The following ELL variants were observed in gnomAD, a reference collection of about 807,000 sequenced individuals.
The protein encoded by ELL is RNA polymerase II elongation factor ELL.
A neutral mutation model predicts 64.0 loss-of-function variants in ELL; 18 were observed. The ratio of observed to expected loss-of-function variants is 0.28; its 90% CI spans 0.19 to 0.42. The LOEUF (loss-of-function observed/expected upper bound fraction) is 0.42, where lower values mean the gene tolerates loss of function less well. ELL is among the 10% of genes least tolerant of loss of function. The probability of loss-of-function intolerance (pLI) is 1.00; values close to 1 mark genes in which losing one functional copy is unlikely to be tolerated. For synonymous variants in ELL, 399 were observed against 376.2 expected, an observed-to-expected ratio of 1.06 and a Z score of -0.70; for missense variants, 797 against 870.4, an observed-to-expected ratio of 0.92 and a Z score of 1.06.
intron 2 of ELL, among the ~76,000 whole-genome samples, chr19:18,467,567 CAT>C (rs908235689): frequency 4.0e-5 from 6 of 151,774 alleles, no homozygotes; most frequent in Non-Finnish European, 5.9e-5. Context: ...AAATCACACA[CAT>C]ATAGCCTCTG....
intron 1 of ELL, among the ~76,000 whole-genome samples, chr19:18,502,213 T>A (rs1252299663): frequency 6.6e-6 from 1 of 152,050 alleles, no homozygotes; most frequent in Non-Finnish European, 1.5e-5. Flanking sequence ...ACACCCCCAG[T>A]CCAGCACCCA....
At chr19:18,497,948 G>A (rs1425420399) in intron 1 of ELL, among the ~76,000 whole-genome samples, 2 of 151,932 alleles carry the variant, frequency 1.3e-5, no homozygotes, top group Admixed American at 6.6e-5. Context: ...GACCAACTTG[G>A]AGAAACCCTG....
chr19:18,512,132 G>A (rs1221807641), intron 1 of ELL, among the ~76,000 whole-genome samples: 2 of 150,792 alleles, frequency 1.3e-5, no homozygotes, highest in African/African-American at 4.9e-5. Context: ...TCCAGTCTAG[G>A]CGACAGAGTA....
intron 1 of ELL, among the ~76,000 whole-genome samples, chr19:18,511,650 AG>A (rs1258228724): frequency 4.6e-5 from 7 of 152,102 alleles, no homozygotes; most frequent in African/African-American, 1.7e-4. Context: ...GGCCTGATGG[AG>A]AAGGTGGAAG....
At chr19:18,446,612 G>T in intron 9 of ELL, 132 bp from the exon 10 acceptor site, 4 of 1,490,142 alleles carry the variant, frequency 2.7e-6, no homozygotes, top group Non-Finnish European at 3.6e-6. Flanking sequence ...GCCTGGCCCA[G>T]AAGAGGCTGC....
intron 1 of ELL, among the ~76,000 whole-genome samples, chr19:18,500,749 G>A (rs928654540): frequency 6.6e-6 from 1 of 152,164 alleles, no homozygotes; most frequent in African/African-American, 2.4e-5. Context: ...ATAGCTCTGG[G>A]AACTGTCAGG....
Position 18,522,026 on chromosome 19 carries a change from G to A in ELL, c.30C>T (p.Tyr10=), listed in dbSNP as rs200445420. Residue 10 remains tyrosine, a synonymous_variant, in exon 1 of 12, where the codon TAC becomes TAT. Transcript: ENST00000262809. ...CGCTAACCCGCCCGCACGACAGCCC[G>A]TAGCTCCTATCCTCCTTCAGCGCCG... MAALKEDRS[Y]GLSCGRVSDG... 53 of 1,609,782 alleles carry A rather than the reference G, an allele frequency of 3.3e-5. No homozygotes were observed. In the African/African-American group the frequency reaches 5.8e-4, roughly 18 times the overall value.
chr19:18,477,178 C>G (rs1051275009), intron 1 of ELL, among the ~76,000 whole-genome samples: 1 of 152,108 alleles, frequency 6.6e-6, no homozygotes, highest in Non-Finnish European at 1.5e-5. Context: ...GAGAGAGCCA[C>G]GAGGGGCTTC....
intron 4 of ELL, among the ~76,000 whole-genome samples, chr19:18,463,655 C>T (rs755500809): frequency 1.3e-5 from 2 of 151,936 alleles, no homozygotes; most frequent in South Asian, 2.1e-4. Context: ...TAACAGACAG[C>T]GTCCCCTACC....
rs1467687691 is a variant in ELL, at chr19:18,446,805, C to T, written c.1475G>A (p.Gly492Glu). The change falls in exon 9 of 12, where the codon GGA becomes GAA. Residue 492 changes from glycine (G) to glutamate (E), a missense_variant. Physicochemically the swap from Gly to Glu is moderately conservative, Grantham distance 98. Coordinates refer to ENST00000262809, the MANE Select transcript of ELL (RefSeq NM_006532.4). ...GGGAACACTGGAAACGCTGCAGGTT[C>T]CGTTTAAACCTACGAGAGCAAACAC... ...GAPADTPGLNGTCSVSSVPTS... is the reference protein window; with the variant it reads ...GAPADTPGLNETCSVSSVPTS... The T allele has an allele frequency of 6.2e-7, 1 of 1,613,990 alleles. No individual in the cohort carries two copies. Among genetic ancestry groups the T allele is most frequent in the African/African-American group, 1.3e-5 (1 of 74,950 alleles).
intron 1 of ELL, among the ~76,000 whole-genome samples, chr19:18,512,977 G>A (rs1033636093): frequency 7.2e-5 from 11 of 152,190 alleles, no homozygotes; most frequent in African/African-American, 2.7e-4. Flanking sequence ...ATCTCATGAA[G>A]AGCTGAGGCC....
chr19:18,465,597 TG>T, intron 3 of ELL, 22 bp from the exon 4 acceptor site: 1 of 1,567,326 alleles, frequency 6.4e-7, no homozygotes, highest in Non-Finnish European at 8.7e-7. Context: ...GGCCAGGAGC[TG>T]GGGTCAGCAG....
chr19:18,459,225 G>A (rs1560118), intron 5 of ELL, among the ~76,000 whole-genome samples: 66,855 of 151,996 alleles, frequency 0.44, 16,546 homozygotes, highest in African/African-American at 0.69. Context: ...GCCACGGCTG[G>A]GGATGCTGGG....
intron 1 of ELL, among the ~76,000 whole-genome samples, chr19:18,478,756 G>T (rs1350389432): frequency 6.6e-6 from 1 of 152,244 alleles, no homozygotes; most frequent in Non-Finnish European, 1.5e-5. Context: ...CTGACTCGGA[G>T]AACAGACCTC....
intron 4 of ELL, among the ~76,000 whole-genome samples, chr19:18,464,383 A>G (rs78030362): frequency 0.052 from 7,873 of 152,248 alleles, 311 homozygotes; most frequent in Middle Eastern, 0.099. Context: ...AGAAAAAACA[A>G]AAAACAAAAC....
In ELL at chr19:18,522,066, T is replaced by C; in HGVS notation, c.-11A>G. ...CTTCAGCGCCGCCATCTTGCGACCATCTCTCCCCCGCGCCCCCTTCCCGGC... is the reference window on the plus strand; with the variant it reads ...CTTCAGCGCCGCCATCTTGCGACCACCTCTCCCCCGCGCCCCCTTCCCGGC... On this transcript the variant is annotated 5_prime_UTR_variant, in exon 1 of 12. It removes an upstream start codon present in the reference 5' UTR. Coordinates refer to ENST00000262809, the MANE Select transcript of ELL (RefSeq NM_006532.4). 2 of 1,587,646 alleles carry C rather than the reference T, an allele frequency of 1.3e-6. No individual in the cohort carries two copies. The highest frequency in any genetic ancestry group is 1.7e-6 in the Non-Finnish European group (2 of 1,165,368).
chr19:18,511,721 A>C (rs1051166844), intron 1 of ELL, among the ~76,000 whole-genome samples: 17 of 152,136 alleles, frequency 1.1e-4, no homozygotes, highest in African/African-American at 3.6e-4. Flanking sequence ...AAAATTGCTA[A>C]AGAAACCAGG....
chr19:18,518,873 AC>A (rs1976190312), intron 1 of ELL, among the ~76,000 whole-genome samples: 1 of 151,864 alleles, frequency 6.6e-6, no homozygotes, highest in Admixed American at 6.6e-5. Flanking sequence ...CTGCGCCTTT[AC>A]CTTCCACCAC....
chr19:18,461,135 G>C (rs1974803639), intron 5 of ELL, among the ~76,000 whole-genome samples: 1 of 152,218 alleles, frequency 6.6e-6, no homozygotes, highest in Non-Finnish European at 1.5e-5. Context: ...TCTGAGACGT[G>C]AAGCCCCTCA....
Sources: gnomAD v4.1 joint callset for allele counts (sites outside exome capture counted in the v4.1 genomes callset) on GRCh38, gnomAD v4.1.1 for gene constraint, MANE v1.5 for transcripts, NCBI Gene and HGNC (gene_info 2026-07-23, HGNC 2026-07-21) for gene names.